Variants in MYBPC1 observed in about 807,000 individuals in gnomAD.
The protein encoded by MYBPC1 is myosin-binding protein C, slow-type.
A neutral mutation model predicts 147.1 loss-of-function variants in MYBPC1; 52 were observed. The observed-to-expected ratio is 0.35, with a 90% confidence interval of 0.28 to 0.45. The LOEUF (loss-of-function observed/expected upper bound fraction) is 0.45, where lower values mean the gene tolerates loss of function less well. Ranked by LOEUF, MYBPC1 falls within the 20% of genes least tolerant of loss-of-function variation. The probability of loss-of-function intolerance (pLI) is 1.00; values close to 1 mark genes in which losing one functional copy is unlikely to be tolerated. For synonymous variants in MYBPC1, 477 were observed against 475.9 expected (o/e 1.00, Z -0.03); for missense variants, 1,228 against 1,440.3 (o/e 0.85, Z 2.39).
intron 9 of MYBPC1, 21 bp downstream of exon 9, chr12:101,634,626 T>C (rs1298239920): frequency 6.3e-7 from 1 of 1,589,700 alleles, no homozygotes; most frequent in Non-Finnish European, 8.6e-7. Context: ...AAGAAAAATC[T>C]AGATAGCTTT....
At chr12:101,608,525 C>A (rs1464694781) in intron 1 of MYBPC1, among the ~76,000 whole-genome samples, 1 of 152,230 alleles carries the variant, frequency 6.6e-6, no homozygotes, top group Non-Finnish European at 1.5e-5. Flanking sequence ...AGGACCTCAC[C>A]TCAATAAATA....
At chr12:101,617,364 G>A (rs1886365913) in intron 3 of MYBPC1, 121 bp downstream of exon 3, 1 of 1,025,588 alleles carries the variant, frequency 9.8e-7, no homozygotes, top group Non-Finnish European at 1.5e-6. Context: ...TTCTGCCTTT[G>A]CATCTTATCT....
rs1056108101 is a variant in MYBPC1 at position 101,647,957 on chromosome 12, T to C, written c.1091-88T>C. The C allele has an allele frequency of 3.8e-6, 4 of 1,040,228 alleles. No individual in the cohort carries two copies. In the African/African-American group the frequency reaches 4.8e-5, roughly 12 times the overall value. 64.4% of individuals were successfully genotyped at this position (1,040,228 alleles called of 1,614,324 possible). A position where few individuals can be genotyped will look rare whatever the true frequency, so the allele number is the denominator to read the frequency against. Reference sequence around the variant, plus strand: ...TCAACCATAGATGTTGCTTTCTCACTGTTGGTTTTTCATCTGTGAAGAAAT... The same window carrying C: ...TCAACCATAGATGTTGCTTTCTCACCGTTGGTTTTTCATCTGTGAAGAAAT... On this transcript the variant is annotated intron_variant, in intron 13 of 31. Transcript: ENST00000361466.
chr12:101,646,382 C>T (rs1893143053), intron 12 of MYBPC1, among the ~76,000 whole-genome samples: 1 of 151,996 alleles, frequency 6.6e-6, no homozygotes, highest in South Asian at 2.1e-4. Context: ...CACGATGGCT[C>T]ACGCCTGTAA....
rs141829314 is a variant in MYBPC1 at position 101,651,704 on chromosome 12, G to A, written c.1526+311G>A. 5.6e-3 allele frequency among the ~76,000 whole-genome samples: 846 copies of A among 152,238 alleles called. 13 individuals carry two copies. Among genetic ancestry groups the A allele is most frequent in the African/African-American group, 0.019 (799 of 41,534 alleles). ...GCCTGTAATCCCAACACTTTGGGAC[G>A]CCAAGGCAGACGGATCAATTGAGCT... On this transcript the variant is annotated intron_variant, in intron 16 of 31. Coordinates refer to ENST00000361466, the MANE Select transcript of MYBPC1 (RefSeq NM_002465.4).
At chr12:101,692,161 A>G in the MYBPC1 span, among the ~76,000 whole-genome samples, 823 of 152,306 alleles carry the variant, frequency 5.4e-3, 7 homozygotes, top group African/African-American at 0.018. Context: ...GGGAAGAGAT[A>G]TTAGGGAGGT....
At chr12:101,610,363 G>T (rs929841085) in intron 1 of MYBPC1, among the ~76,000 whole-genome samples, 10 of 152,092 alleles carry the variant, frequency 6.6e-5, no homozygotes, top group African/African-American at 2.4e-4. Flanking sequence ...TTTACAGTAG[G>T]GGTATGAGGG....
Position 101,642,524 on chromosome 12 carries a change from C to A in MYBPC1, c.771C>A (p.Thr257=). 8 of 1,613,622 alleles carry A rather than the reference C, an allele frequency of 5.0e-6. No homozygotes were observed. The highest frequency in any genetic ancestry group is 6.8e-6 in the Non-Finnish European group (8 of 1,179,812). The change falls in exon 11 of 32, where the codon ACC becomes ACA. Residue 257 remains threonine, a synonymous_variant. Transcript: ENST00000361466. ...AGATCGCCTTCCAGTATGGAATCACCGACCTGCGCGGCATGCTCAAGCGAC... is the reference window on the plus strand; with the variant it reads ...AGATCGCCTTCCAGTATGGAATCACAGACCTGCGCGGCATGCTCAAGCGAC... ...YEKIAFQYGI[T]DLRGMLKRLK... is the part of the protein sequence containing the mutation.
Position 101,646,720 on chromosome 12 carries a change from T to C in MYBPC1, c.966-43T>C, listed in dbSNP as rs1893232224. 2.5e-6 allele frequency: 4 copies of C among 1,606,518 alleles called. No homozygotes were observed. The East Asian group carries it at 8.9e-5, about 36-fold the overall frequency. On this transcript the variant is annotated intron_variant, in intron 12 of 31. Transcript: ENST00000361466. ...GCTGGCAATAAAGAAAAGAATAAAATCACATTCACAGACTCTGTTTATTTT... is the reference window on the plus strand; with the variant it reads ...GCTGGCAATAAAGAAAAGAATAAAACCACATTCACAGACTCTGTTTATTTT...
intron 17 of MYBPC1, 133 bp from the exon 18 acceptor site, chr12:101,652,982 C>G: frequency 1.5e-6 from 2 of 1,298,454 alleles, no homozygotes; most frequent in Non-Finnish European, 2.2e-6. Context: ...CAGGCACCAA[C>G]TATCTTGACT....
chr12:101,673,497 G>A lies in MYBPC1; in HGVS notation c.2684G>A (p.Arg895His), dbSNP rs151310085. The A allele has an allele frequency of 3.2e-5, 51 of 1,613,874 alleles. No individual in the cohort carries two copies. The highest frequency in any genetic ancestry group is 4.0e-5 in the African/African-American group (3 of 74,900). The change falls in exon 25 of 32, where the codon CGC becomes CAC. Residue 895 changes from arginine (R) to histidine (H), a missense_variant. This residue lies in a region of MYBPC1 where 1,077 missense variants were observed against 1,314.2 expected (regional missense o/e 0.82). Coordinates refer to ENST00000361466, the MANE Select transcript of MYBPC1 (RefSeq NM_002465.4). ...AEIDKNQINI[R>H]NSETDTIIFI... is the part of the protein sequence containing the mutation. ...ATTGATAAGAATCAAATAAACATTC[G>A]CAACTCTGAGACTGATACAATCATA... is the stretch of plus-strand genomic sequence containing the variant.
chr12:101,616,635 T>C (rs1886154606), intron 2 of MYBPC1, among the ~76,000 whole-genome samples: 1 of 151,932 alleles, frequency 6.6e-6, no homozygotes, highest in African/African-American at 2.4e-5. Flanking sequence ...AACTAGATGG[T>C]CTCAACTGGT....
chr12:101,634,651 G>A (rs748254931), intron 9 of MYBPC1, 46 bp downstream of exon 9: 5 of 1,458,420 alleles, frequency 3.4e-6, no homozygotes, highest in Non-Finnish European at 4.8e-6. Context: ...TAACACAGAA[G>A]TGGAGGATTT....
At position 101,677,386 on chromosome 12, in the gene MYBPC1, C is replaced by T; in HGVS notation, c.3101C>T (p.Ala1034Val). 2.5e-6 allele frequency: 4 copies of T among 1,613,804 alleles called. No homozygotes were observed. Among genetic ancestry groups the T allele is most frequent in the Non-Finnish European group, 3.4e-6 (4 of 1,179,946 alleles). ...ATGACTAAAGAGAGTGCAGTGATCG[C>T]CAGGGATGGTGAGTTGGGAATGGAC... Reference protein sequence around the residue: ...ATMTKESAVIARDGKIYKNPV... With the variant: ...ATMTKESAVIVRDGKIYKNPV... Residue 1034 changes from alanine to valine, a missense_variant, in exon 27 of 32, where the codon GCC becomes GTC. Around this residue, in one of 2 missense-constraint regions of MYBPC1, gnomAD observed 1,077 missense variants for 1,314.2 expected, o/e 0.82. Coordinates refer to ENST00000361466, the MANE Select transcript of MYBPC1 (RefSeq NM_002465.4).
At chr12:101,628,790 T>C (rs534736143) in intron 5 of MYBPC1, among the ~76,000 whole-genome samples, 5 of 152,360 alleles carry the variant, frequency 3.3e-5, no homozygotes, top group African/African-American at 1.2e-4. Context: ...GTTTTTTTCT[T>C]TCCAGTTCTC....
intron 10 of MYBPC1, among the ~76,000 whole-genome samples, chr12:101,640,161 G>A (rs527538687): frequency 1.3e-5 from 2 of 152,146 alleles, no homozygotes; most frequent in East Asian, 1.9e-4. Flanking sequence ...ACAGGCATGC[G>A]CCACCATGCC....
At chr12:101,631,881 CG>C in intron 7 of MYBPC1, 139 bp from the exon 8 acceptor site, 1 of 1,318,586 alleles carries the variant, frequency 7.6e-7, no homozygotes, top group Non-Finnish European at 1.1e-6. Context: ...CGGCTGTGTC[CG>C]GGGGCTACAG....
chr12:101,637,250 G>A, intron 10 of MYBPC1: 1 of 153,662 alleles, frequency 6.5e-6, no homozygotes, highest in Non-Finnish European at 1.5e-5. Context: ...TCATTTCAGA[G>A]GTCTTTAAAA....
the MYBPC1 span, among the ~76,000 whole-genome samples, chr12:101,694,243 C>T: frequency 2.6e-5 from 4 of 152,228 alleles, no homozygotes; most frequent in Non-Finnish European, 5.9e-5. Context: ...GGAGTAACCA[C>T]TATCAGGATT....
Sources: allele counts gnomAD v4.1 joint callset (sites outside exome capture counted in the v4.1 genomes callset), GRCh38; gene constraint gnomAD v4.1.1; regional missense constraint gnomAD v4.1.1; transcripts MANE v1.5; gene names NCBI Gene and HGNC (gene_info 2026-07-23, HGNC 2026-07-21).